Variants in MYO5B observed in about 807,000 individuals in gnomAD.
MYO5B encodes myosin VB.
In MYO5B, 143 loss-of-function variants were observed where a neutral mutation model predicts 229.3. The observed-to-expected ratio is 0.62, with a 90% CI of 0.54 to 0.72. MYO5B has a LOEUF of 0.72. Ranked by LOEUF, MYO5B falls within the 30% of genes least tolerant of loss-of-function variation. The pLI is 0.00. For missense variants in MYO5B, 2,321 were observed against 2,331.0 expected, an observed-to-expected ratio of 1.00 and a Z score of 0.09; for synonymous variants, 918 against 885.2, an observed-to-expected ratio of 1.04 and a Z score of -0.66.
chr18:50,067,139 C>T (rs1250525608), intron 1 of MYO5B, among the ~76,000 whole-genome samples: 3 of 152,250 alleles, frequency 2.0e-5, no homozygotes, highest in Admixed American at 1.3e-4. Context: ...ATCCACTCTA[C>T]TATGAAGATG....
At chr18:49,910,582 A>C (rs1193277992) in intron 18 of MYO5B, among the ~76,000 whole-genome samples, 1 of 151,932 alleles carries the variant, frequency 6.6e-6, no homozygotes, top group Non-Finnish European at 1.5e-5. Context: ...AAAAAAAAAA[A>C]GATGGCATGG....
At chr18:50,106,993 A>C (rs1456655833) in intron 1 of MYO5B, among the ~76,000 whole-genome samples, 2 of 152,070 alleles carry the variant, frequency 1.3e-5, no homozygotes, top group African/African-American at 4.8e-5. Context: ...ATCTTGGCCT[A>C]AACAGCCAGA....
At chr18:49,844,984 T>C (rs2024107243) in intron 33 of MYO5B, among the ~76,000 whole-genome samples, 1 of 152,154 alleles carries the variant, frequency 6.6e-6, no homozygotes, top group Non-Finnish European at 1.5e-5. Flanking sequence ...GGATGGGGTC[T>C]TTTGGAGGGA....
At chr18:50,019,916 C>T (rs2026256382) in intron 4 of MYO5B, among the ~76,000 whole-genome samples, 1 of 152,150 alleles carries the variant, frequency 6.6e-6, no homozygotes, top group Non-Finnish European at 1.5e-5. Flanking sequence ...CTACCTATGA[C>T]AAGTTCAAGC....
intron 1 of MYO5B, among the ~76,000 whole-genome samples, chr18:50,184,371 G>A (rs1213185191): frequency 1.3e-5 from 2 of 152,128 alleles, no homozygotes; most frequent in African/African-American, 4.8e-5. Context: ...GGCAGGGAGA[G>A]TTGCAGGGCA....
intron 1 of MYO5B, among the ~76,000 whole-genome samples, chr18:50,090,956 G>T (rs1375881816): frequency 1.3e-5 from 2 of 152,238 alleles, no homozygotes; most frequent in Non-Finnish European, 2.9e-5. Context: ...TCCCAGGACA[G>T]CCTGCACAGC....
chr18:49,955,323 C>T (rs2025480732), intron 12 of MYO5B, among the ~76,000 whole-genome samples: 1 of 152,200 alleles, frequency 6.6e-6, no homozygotes, highest in South Asian at 2.1e-4. Context: ...ACCGTAACCA[C>T]CACTCAAATT....
intron 39 of MYO5B, among the ~76,000 whole-genome samples, chr18:49,833,507 C>G (rs1224229265): frequency 6.6e-6 from 1 of 152,212 alleles, no homozygotes; most frequent in East Asian, 1.9e-4. Flanking sequence ...GATTCAGAAT[C>G]TGACTGTACA....
intron 31 of MYO5B, chr18:49,850,228 ACCTCCATCC>A: frequency 5.7e-6 from 1 of 176,880 alleles, no homozygotes; most frequent in Admixed American, 5.5e-5. Flanking sequence ...CATTAATGTC[ACCTCCATCC>A]CAGCTGAGCA....
intron 1 of MYO5B, among the ~76,000 whole-genome samples, chr18:50,107,889 C>T (rs2031791393): frequency 6.6e-6 from 1 of 152,132 alleles, no homozygotes; most frequent in South Asian, 2.1e-4. Flanking sequence ...GTGACCCTCC[C>T]TCTAGAGCAA....
chr18:49,846,267 T>C (rs2024124684), intron 33 of MYO5B, among the ~76,000 whole-genome samples: 2 of 152,162 alleles, frequency 1.3e-5, no homozygotes, highest in Admixed American at 1.3e-4. Context: ...TCACCTGGCA[T>C]CTTGTTATGT....
At chr18:50,056,362 A>G (rs1422322609) in intron 1 of MYO5B, among the ~76,000 whole-genome samples, 2 of 152,202 alleles carry the variant, frequency 1.3e-5, no homozygotes, top group Non-Finnish European at 2.9e-5. Context: ...GAGGTGACAT[A>G]AAAGCTCCCA....
At chr18:50,040,339 C>A (rs747479384) in intron 2 of MYO5B, 25 bp from the exon 3 acceptor site, 2 of 1,611,190 alleles carry the variant, frequency 1.2e-6, no homozygotes, top group Non-Finnish European at 1.7e-6. Flanking sequence ...GTAGCAGACA[C>A]AAAAAGGTGG....
At chr18:49,981,353 T>G (rs1346296168) in intron 8 of MYO5B, among the ~76,000 whole-genome samples, 1 of 152,248 alleles carries the variant, frequency 6.6e-6, no homozygotes, top group Non-Finnish European at 1.5e-5. Context: ...TCCTCCCAGC[T>G]GCAGTTAATT....
At chr18:49,960,826 G>A (rs1037426275) in intron 12 of MYO5B, among the ~76,000 whole-genome samples, 12 of 152,176 alleles carry the variant, frequency 7.9e-5, no homozygotes, top group African/African-American at 2.9e-4. Context: ...AACCTGTGTA[G>A]GACAAACTGC....
At chr18:49,860,936 C>CA (rs1388921105) in intron 29 of MYO5B, among the ~76,000 whole-genome samples, 1 of 152,226 alleles carries the variant, frequency 6.6e-6, no homozygotes, top group African/African-American at 2.4e-5. Context: ...TCATGGGCTC[C>CA]ACAGAATCCC....
intron 33 of MYO5B, among the ~76,000 whole-genome samples, chr18:49,845,610 GTGTCATCATCCCATT>G (rs1266628018): frequency 6.6e-6 from 1 of 152,246 alleles, no homozygotes; most frequent in Admixed American, 6.5e-5. Context: ...AGGCAGGTCA[GTGTCATCATCCCATT>G]TCACTAAGGT....
intron 1 of MYO5B, among the ~76,000 whole-genome samples, chr18:50,139,073 T>A (rs2032379135): frequency 6.6e-6 from 1 of 152,254 alleles, no homozygotes; most frequent in South Asian, 2.1e-4. Context: ...AATGTTCATC[T>A]AATGTGAGGA....
intron 1 of MYO5B, among the ~76,000 whole-genome samples, chr18:50,166,448 A>G (rs1332405752): frequency 6.6e-6 from 1 of 152,240 alleles, no homozygotes; most frequent in Non-Finnish European, 1.5e-5. Flanking sequence ...CAGGTTTACA[A>G]AACATCCATC....
Sources: allele counts gnomAD v4.1 joint callset (sites outside exome capture counted in the v4.1 genomes callset), GRCh38; gene constraint gnomAD v4.1.1; transcripts MANE v1.5; gene names NCBI Gene and HGNC (gene_info 2026-07-23, HGNC 2026-07-21).